The following KCNK2 variants were observed in gnomAD, a reference collection of about 807,000 sequenced individuals.
The protein encoded by KCNK2 is potassium two pore domain channel subfamily K member 2, also known as potassium channel subfamily K member 2.
A neutral mutation model predicts 40.5 loss-of-function variants in KCNK2; 21 were observed. That is an observed-to-expected ratio of 0.52 (90% CI 0.37 to 0.75). The LOEUF (loss-of-function observed/expected upper bound fraction) is 0.75. Ranked by LOEUF, KCNK2 falls within the 30% of genes least tolerant of loss-of-function variation. The pLI is 0.00. For missense variants in KCNK2, 399 were observed against 531.6 expected (o/e 0.75, Z 2.45); for synonymous variants, 191 against 202.2 (o/e 0.94, Z 0.47).
chr1:215,182,225 C>T (rs1664248714), intron 5 of KCNK2, among the ~76,000 whole-genome samples: 1 of 152,022 alleles, frequency 6.6e-6, no homozygotes, highest in Non-Finnish European at 1.5e-5. Context: ...CAGAGAGGGC[C>T]CCACTGCACC....
intron 1 of KCNK2, among the ~76,000 whole-genome samples, chr1:215,041,361 A>G (rs547016585): frequency 3.3e-4 from 50 of 152,178 alleles, no homozygotes; most frequent in Non-Finnish European, 5.7e-4. Flanking sequence ...CCTGGTACAT[A>G]GTATGTGCTA....
At chr1:215,128,444 C>A (rs922591230) in intron 3 of KCNK2, among the ~76,000 whole-genome samples, 1 of 152,172 alleles carries the variant, frequency 6.6e-6, no homozygotes, top group East Asian at 1.9e-4. Context: ...GAAGTAAGGA[C>A]GTAGTCCCTG....
At chr1:215,170,934 C>A (rs1453727746) in intron 4 of KCNK2, among the ~76,000 whole-genome samples, 1 of 152,042 alleles carries the variant, frequency 6.6e-6, no homozygotes, top group Non-Finnish European at 1.5e-5. Flanking sequence ...AATCATGGTT[C>A]AGTGTTTGGT....
At chr1:215,119,810 A>G (rs1661101913) in intron 2 of KCNK2, among the ~76,000 whole-genome samples, 1 of 152,122 alleles carries the variant, frequency 6.6e-6, no homozygotes, top group Non-Finnish European at 1.5e-5. Context: ...CTATTCGGTG[A>G]TTATGTTACT....
At chr1:215,136,294 A>C (rs956652233) in intron 3 of KCNK2, among the ~76,000 whole-genome samples, 2 of 151,280 alleles carry the variant, frequency 1.3e-5, no homozygotes, top group African/African-American at 4.9e-5. Flanking sequence ...TCAGGGTCTC[A>C]TCATGTTGCC....
intron 4 of KCNK2, among the ~76,000 whole-genome samples, chr1:215,169,625 A>G (rs576265849): frequency 1.4e-5 from 2 of 139,054 alleles, no homozygotes; most frequent in African/African-American, 5.3e-5. Context: ...AATTTCTTTT[A>G]CTTTTTTCTT....
chr1:215,172,806 G>T (rs1663777282), intron 5 of KCNK2, among the ~76,000 whole-genome samples: 1 of 151,930 alleles, frequency 6.6e-6, no homozygotes, highest in Non-Finnish European at 1.5e-5. Flanking sequence ...ACAGGCGTGT[G>T]CCACTAGGCC....
At chr1:215,063,069 G>A (rs1248828117) in intron 1 of KCNK2, among the ~76,000 whole-genome samples, 2 of 152,204 alleles carry the variant, frequency 1.3e-5, no homozygotes, top group Non-Finnish European at 2.9e-5. Context: ...TGAAGGTTGA[G>A]TGGAAGTTAG....
intron 2 of KCNK2, among the ~76,000 whole-genome samples, chr1:215,089,005 T>C (rs1429063924): frequency 1.3e-5 from 2 of 152,216 alleles, no homozygotes; most frequent in Non-Finnish European, 2.9e-5. Flanking sequence ...TTTATTTTGA[T>C]AAAAGAAATC....
At chr1:215,112,895 G>A (rs1245364751) in intron 2 of KCNK2, among the ~76,000 whole-genome samples, 2 of 152,200 alleles carry the variant, frequency 1.3e-5, no homozygotes, top group East Asian at 3.9e-4. Context: ...TGATGAAATT[G>A]CCTAACCACA....
At chr1:215,005,673 A>G (rs989595371), upstream of KCNK2, 1 of 424,232 alleles carries the variant, frequency 2.4e-6, no homozygotes, top group Non-Finnish European at 4.2e-6. Flanking sequence ...TTCTTCCTGA[A>G]CCAGACTGTA....
intron 1 of KCNK2, among the ~76,000 whole-genome samples, chr1:215,066,989 A>G (rs1229632076): frequency 6.6e-6 from 1 of 152,236 alleles, no homozygotes; most frequent in African/African-American, 2.4e-5. Context: ...TCAGAAAAAT[A>G]CATTTATTCC....
chr1:215,228,772 T>C lies in KCNK2; in HGVS notation c.964-6056T>C, dbSNP rs1026736055. On this transcript the variant is annotated intron_variant, in intron 6 of 6. Transcript: ENST00000444842. The stretch of plus-strand genomic sequence containing the variant: ...TCCAGAACACCAAAAGCATTATTTC[T>C]ATTAAGAAAAAATTTTATTTATATA... Among the ~76,000 whole-genome samples, 16 of 152,290 alleles carry C rather than the reference T, an allele frequency of 1.1e-4. No individual in the cohort carries two copies. In the Middle Eastern group the frequency reaches 0.01, roughly 97 times the overall value.
chr1:215,231,252 A>G (rs1666652951), intron 6 of KCNK2, among the ~76,000 whole-genome samples: 1 of 152,210 alleles, frequency 6.6e-6, no homozygotes, highest in South Asian at 2.1e-4. Context: ...TTTTGCTACA[A>G]AAATGCAAAG....
intron 5 of KCNK2, among the ~76,000 whole-genome samples, chr1:215,182,157 G>A (rs988836297): frequency 6.6e-6 from 1 of 152,116 alleles, no homozygotes; most frequent in Non-Finnish European, 1.5e-5. Context: ...GATGACTCAG[G>A]CTGCTGAACC....
At chr1:215,044,827 G>GCGCA in intron 1 of KCNK2, among the ~76,000 whole-genome samples, 2 of 6,630 alleles carry the variant, frequency 3.0e-4, no homozygotes, top group South Asian at 9.1e-3. Flanking sequence ...GTGTGTGTGT[G>GCGCA]CGCGCGCACA....
At chr1:215,185,367 G>A (rs1262971210) in intron 5 of KCNK2, among the ~76,000 whole-genome samples, 4 of 152,096 alleles carry the variant, frequency 2.6e-5, no homozygotes, top group African/African-American at 9.7e-5. Flanking sequence ...CCAGGTCCTT[G>A]TGTCCAGGGA....
chr1:215,100,873 A>T (rs1660178120), intron 2 of KCNK2, among the ~76,000 whole-genome samples: 1 of 152,072 alleles, frequency 6.6e-6, no homozygotes, highest in Non-Finnish European at 1.5e-5. Flanking sequence ...AAAGAAAAGG[A>T]TAATTGATTT....
intron 3 of KCNK2, among the ~76,000 whole-genome samples, chr1:215,150,881 A>G (rs975547779): frequency 1.4e-4 from 22 of 152,018 alleles, no homozygotes; most frequent in Admixed American, 1.1e-3. Flanking sequence ...ACCTGCTAGA[A>G]CTTTCAGAGT....
Sources: gnomAD v4.1 joint callset for allele counts (sites outside exome capture counted in the v4.1 genomes callset) on GRCh38, gnomAD v4.1.1 for gene constraint, MANE v1.5 for transcripts, NCBI Gene and HGNC (gene_info 2026-07-23, HGNC 2026-07-21) for gene names.